TESK2: variants seen among roughly 807,000 people sequenced by gnomAD.
TESK2 encodes the protein dual specificity testis-specific protein kinase 2.
In TESK2, 39 loss-of-function variants were observed where a neutral mutation model predicts 57.1. The ratio of observed to expected loss-of-function variants is 0.68; its 90% CI spans 0.53 to 0.89. The LOEUF is 0.89. Ranked by LOEUF, TESK2 falls within the 40% of genes least tolerant of loss-of-function variation. The probability of loss-of-function intolerance (pLI) is 0.00; values close to 1 mark genes in which losing one functional copy is unlikely to be tolerated. For missense variants in TESK2, 646 were observed against 732.1 expected (o/e 0.88, Z 1.36); for synonymous variants, 249 against 267.9 (o/e 0.93, Z 0.69).
intron 2 of TESK2, among the ~76,000 whole-genome samples, chr1:45,429,604 G>A (rs1650865545): frequency 6.6e-6 from 1 of 152,044 alleles, no homozygotes; most frequent in Non-Finnish European, 1.5e-5. Flanking sequence ...GTTTTGGATT[G>A]AGTTCCTGCA....
intron 1 of TESK2, among the ~76,000 whole-genome samples, chr1:45,476,796 G>A (rs918300579): frequency 1.3e-5 from 2 of 151,754 alleles, no homozygotes; most frequent in South Asian, 4.1e-4. Flanking sequence ...GCAGTGAGCC[G>A]AGATCACGCC....
intron 1 of TESK2, among the ~76,000 whole-genome samples, chr1:45,489,822 C>T (rs1018385894): frequency 2.0e-5 from 3 of 152,152 alleles, no homozygotes; most frequent in African/African-American, 7.2e-5. Context: ...AACCCTGAAA[C>T]TTAACTTGTT....
intron 2 of TESK2, among the ~76,000 whole-genome samples, chr1:45,441,919 G>C (rs1387065491): frequency 1.3e-5 from 2 of 152,018 alleles, no homozygotes; most frequent in African/African-American, 4.8e-5. Flanking sequence ...ACTGTGCCCA[G>C]CAAAATTGTT....
At chr1:45,462,761 T>G (rs1387967345) in intron 1 of TESK2, among the ~76,000 whole-genome samples, 2 of 152,198 alleles carry the variant, frequency 1.3e-5, no homozygotes, top group Non-Finnish European at 2.9e-5. Context: ...TATTCAGCAG[T>G]GGGATTGCTA....
intron 1 of TESK2, among the ~76,000 whole-genome samples, chr1:45,468,259 T>C (rs1367383470): frequency 2.6e-5 from 4 of 152,004 alleles, no homozygotes; most frequent in Non-Finnish European, 5.9e-5. Context: ...GTAATACTAA[T>C]GATTAGATAG....
intron 1 of TESK2, among the ~76,000 whole-genome samples, chr1:45,470,549 G>A (rs554926566): frequency 6.6e-6 from 1 of 152,260 alleles, no homozygotes; most frequent in South Asian, 2.1e-4. Context: ...CAGATCAAAA[G>A]CCAGTTCTTA....
intron 4 of TESK2, among the ~76,000 whole-genome samples, chr1:45,361,474 G>A (rs1647682271): frequency 6.6e-6 from 1 of 152,132 alleles, no homozygotes; most frequent in African/African-American, 2.4e-5. Flanking sequence ...ATACCTCTCA[G>A]TGGCTGTTAC....
At chr1:45,487,464 C>T (rs888240367) in intron 1 of TESK2, among the ~76,000 whole-genome samples, 5 of 152,222 alleles carry the variant, frequency 3.3e-5, no homozygotes, top group African/African-American at 1.2e-4. Context: ...ATATTCAACA[C>T]AGCCCCCTAA....
At position 45,362,962 on chromosome 1, in the gene TESK2, T is replaced by A. The variant is rs556535550; in HGVS notation, c.394-7513A>T. ...AAATATTCTAACAGTAGTATAAAAA[T>A]TGTATGAAAAGGTCAGGAACTGAGG... On this transcript the variant is annotated intron_variant, in intron 4 of 10. Transcript: ENST00000372086. Among the ~76,000 whole-genome samples, 10 of 151,954 alleles carry A rather than the reference T, an allele frequency of 6.6e-5. No individual in the cohort carries two copies. In the East Asian group the frequency reaches 1.9e-3, roughly 29 times the overall value.
intron 1 of TESK2, among the ~76,000 whole-genome samples, chr1:45,484,172 G>A (rs1197273531): frequency 1.4e-5 from 2 of 139,334 alleles, no homozygotes; most frequent in African/African-American, 2.7e-5. Flanking sequence ...ACAGCGGCGC[G>A]ATCTCGGCTC....
At chr1:45,440,233 G>C (rs981325127) in intron 2 of TESK2, among the ~76,000 whole-genome samples, 3 of 151,710 alleles carry the variant, frequency 2.0e-5, no homozygotes, top group African/African-American at 7.3e-5. Context: ...ATTAAGGTGT[G>C]AGCCACCACA....
In TESK2 at chr1:45,358,353, T is replaced by C. The variant is rs188407866; in HGVS notation, c.394-2904A>G. Among the ~76,000 whole-genome samples, 6 of 151,604 alleles carry C rather than the reference T, an allele frequency of 4.0e-5. No individual in the cohort carries two copies. In the East Asian group the frequency reaches 1.2e-3, roughly 29 times the overall value. On this transcript the variant is annotated intron_variant, in intron 4 of 10. Coordinates refer to ENST00000372086, the MANE Select transcript of TESK2 (RefSeq NM_007170.3). ...TTAGCTGGGTGTGGTGGTGTGTGCC[T>C]ATAGTCACAGCTACTCACAGGTTGA...
intron 2 of TESK2, among the ~76,000 whole-genome samples, chr1:45,423,501 G>A (rs1405775245): frequency 6.6e-6 from 1 of 151,120 alleles, no homozygotes. Context: ...GGCCCGCAGT[G>A]AGTGGAGATT....
intron 3 of TESK2, among the ~76,000 whole-genome samples, chr1:45,388,865 C>T (rs1396210405): frequency 1.3e-5 from 2 of 151,936 alleles, no homozygotes; most frequent in African/African-American, 2.4e-5. Context: ...GGACTACAGG[C>T]GCCCGCCACC....
rs112837984 is a variant in TESK2 at position 45,403,220 on chromosome 1, T to C, written c.345-17260A>G. ...TGAGCCTGAGAGGTTGAGACTACAG[T>C]GAGCCGTGATGGGAAAAAAAAAAAA... On this transcript the variant is annotated intron_variant, in intron 3 of 10. Transcript: ENST00000372086. 1.1e-3 allele frequency among the ~76,000 whole-genome samples: 143 copies of C among 130,736 alleles called. No individual in the cohort carries two copies. The East Asian group carries it at 0.014, about 13-fold the overall frequency. 85.8% of individuals were successfully genotyped at this position (130,736 alleles called of 152,430 possible).
At chr1:45,469,787 A>G (rs1652693498) in intron 1 of TESK2, among the ~76,000 whole-genome samples, 1 of 152,226 alleles carries the variant, frequency 6.6e-6, no homozygotes, top group African/African-American at 2.4e-5. Flanking sequence ...GACAGGGAAA[A>G]TATGCCAAAT....
intron 3 of TESK2, among the ~76,000 whole-genome samples, chr1:45,402,426 AAAAG>A (rs1053905382): frequency 6.6e-6 from 1 of 151,382 alleles, no homozygotes; most frequent in African/African-American, 2.4e-5. Context: ...AGAAAAAAGA[AAAAG>A]AAACAGATGC....
chr1:45,360,147 A>C (rs1043414778), intron 4 of TESK2, among the ~76,000 whole-genome samples: 17 of 152,186 alleles, frequency 1.1e-4, no homozygotes, highest in African/African-American at 4.1e-4. Flanking sequence ...TGACGGCATA[A>C]GCACAGCGCC....
At chr1:45,415,002 G>T in intron 3 of TESK2, 2 of 812,876 alleles carry the variant, frequency 2.5e-6, no homozygotes, top group South Asian at 3.0e-5. Context: ...GCCACCGCCA[G>T]GAGCCCCGTA....
Sources: gnomAD v4.1 joint callset for allele counts (sites outside exome capture counted in the v4.1 genomes callset) on GRCh38, gnomAD v4.1.1 for gene constraint, MANE v1.5 for transcripts, NCBI Gene and HGNC (gene_info 2026-07-23, HGNC 2026-07-21) for gene names.